The following TACR3 variants were observed in gnomAD, a reference collection of about 807,000 sequenced individuals.
The protein encoded by TACR3 is neuromedin-K receptor.
Under a neutral mutation model 35.0 loss-of-function variants are expected in TACR3, and 34 were observed. The ratio of observed to expected loss-of-function variants is 0.97; its 90% CI spans 0.74 to 1.30. The LOEUF (loss-of-function observed/expected upper bound fraction) is 1.30, where lower values mean the gene tolerates loss of function less well. Ranked by LOEUF, TACR3 falls within the 50% of genes most tolerant of loss-of-function variation. The probability of loss-of-function intolerance (pLI) is 0.00; values close to 1 mark genes in which losing one functional copy is unlikely to be tolerated. For missense variants in TACR3, 558 were observed against 591.7 expected (o/e 0.94, Z 0.59); for synonymous variants, 233 against 221.1 (o/e 1.05, Z -0.48).
chr4:103,662,259 G>A (rs1725849348), intron 1 of TACR3, among the ~76,000 whole-genome samples: 1 of 142,848 alleles, frequency 7.0e-6, no homozygotes, highest in African/African-American at 2.6e-5. Context: ...TTGCTCTGTC[G>A]CCCAGGCCGT....
At chr4:103,591,764 C>A (rs1164933431) in intron 3 of TACR3, 81 bp from the exon 4 acceptor site, 7 of 1,333,166 alleles carry the variant, frequency 5.3e-6, no homozygotes, top group African/African-American at 2.9e-5. Flanking sequence ...TGCTTTTCTG[C>A]CAATACAGTT....
At chr4:103,624,936 G>A (rs949806172) in intron 3 of TACR3, among the ~76,000 whole-genome samples, 2 of 152,066 alleles carry the variant, frequency 1.3e-5, no homozygotes, top group African/African-American at 4.8e-5. Flanking sequence ...TGGGTGAATG[G>A]TCTTTCTGGA....
At chr4:103,606,469 C>T (rs1056881633) in intron 3 of TACR3, among the ~76,000 whole-genome samples, 9 of 152,034 alleles carry the variant, frequency 5.9e-5, no homozygotes, top group Non-Finnish European at 1.0e-4. Context: ...ATGGACTGTT[C>T]TTCCATTTGT....
intron 1 of TACR3, among the ~76,000 whole-genome samples, chr4:103,703,448 C>T (rs1007606562): frequency 7.9e-5 from 12 of 152,120 alleles, no homozygotes; most frequent in Admixed American, 2.0e-4. Context: ...AAAGTCTCAA[C>T]ATTCAGAGAA....
intron 1 of TACR3, among the ~76,000 whole-genome samples, chr4:103,675,459 A>C (rs955114093): frequency 1.4e-4 from 21 of 152,196 alleles, no homozygotes; most frequent in African/African-American, 5.1e-4. Context: ...GACATGCAAG[A>C]ATGTGCAAAC....
intron 1 of TACR3, among the ~76,000 whole-genome samples, chr4:103,665,464 C>T (rs1725917414): frequency 1.3e-5 from 2 of 152,044 alleles, no homozygotes; most frequent in Non-Finnish European, 2.9e-5. Flanking sequence ...ATGTTATAGG[C>T]ATTCAATTTA....
chr4:103,665,334 CAAG>C (rs1360573376), intron 1 of TACR3, among the ~76,000 whole-genome samples: 2 of 143,146 alleles, frequency 1.4e-5, no homozygotes, highest in African/African-American at 2.6e-5. Context: ...TATTATCTGT[CAAG>C]AAACAAATCA....
Position 103,589,726 on chromosome 4 carries a change from T to C in TACR3, c.1354A>G (p.Ser452Gly). ...RNSKSASATS[S>G]FISSPYTSVD... Reference sequence around the variant, plus strand: ...GAGGTATAGGGTGAGCTTATGAAACTTGAAGTGGCGGAGGCAGATTTGGAA... The same window carrying C: ...GAGGTATAGGGTGAGCTTATGAAACCTGAAGTGGCGGAGGCAGATTTGGAA... Residue 452 changes from serine (S) to glycine (G), a missense_variant, in exon 5 of 5, where the codon AGT becomes GGT. Physicochemically the swap from Ser to Gly is moderately conservative, Grantham distance 56 (BLOSUM62 0). Coordinates refer to ENST00000304883, the MANE Select transcript of TACR3 (RefSeq NM_001059.3). 1 of 1,614,008 alleles carries C rather than the reference T, an allele frequency of 6.2e-7. No homozygotes were observed. Among genetic ancestry groups the C allele is most frequent in the Non-Finnish European group, 8.5e-7 (1 of 1,179,892 alleles).
intron 1 of TACR3, among the ~76,000 whole-genome samples, chr4:103,712,097 C>A (rs1722977866): frequency 6.6e-6 from 1 of 152,088 alleles, no homozygotes; most frequent in South Asian, 2.1e-4. Context: ...TCAATGCCAT[C>A]CCCATCAAGC....
intron 2 of TACR3, among the ~76,000 whole-genome samples, chr4:103,657,994 A>G (rs548854158): frequency 2.1e-4 from 32 of 152,208 alleles, no homozygotes; most frequent in Non-Finnish European, 2.1e-4. Flanking sequence ...GCCATCCCAC[A>G]TAGACATCCT....
At chr4:103,687,419 A>G (rs1443551148) in intron 1 of TACR3, among the ~76,000 whole-genome samples, 1 of 152,138 alleles carries the variant, frequency 6.6e-6, no homozygotes, top group Admixed American at 6.6e-5. Flanking sequence ...GGAGAAGGAA[A>G]TAAAGGGTAT....
At chr4:103,648,605 C>T (rs1406743482) in intron 3 of TACR3, among the ~76,000 whole-genome samples, 1 of 152,050 alleles carries the variant, frequency 6.6e-6, no homozygotes, top group Non-Finnish European at 1.5e-5. Context: ...CATGTTGTTG[C>T]AAGTGAAAGA....
chr4:103,702,213 A>C (rs1417912040), intron 1 of TACR3, among the ~76,000 whole-genome samples: 1 of 152,200 alleles, frequency 6.6e-6, no homozygotes, highest in Non-Finnish European at 1.5e-5. Flanking sequence ...AGAAAAAAAC[A>C]AACAACCCCA....
At chr4:103,631,212 G>A (rs922361385) in intron 3 of TACR3, among the ~76,000 whole-genome samples, 4 of 152,082 alleles carry the variant, frequency 2.6e-5, no homozygotes, top group African/African-American at 9.7e-5. Context: ...AGCACTTGGA[G>A]AAATACCTAA....
At chr4:103,681,876 A>G (rs1248473587) in intron 1 of TACR3, among the ~76,000 whole-genome samples, 3 of 152,162 alleles carry the variant, frequency 2.0e-5, no homozygotes, top group African/African-American at 7.2e-5. Flanking sequence ...CAAAATTTTA[A>G]AAGTGCAAAA....
intron 1 of TACR3, among the ~76,000 whole-genome samples, chr4:103,689,252 G>A (rs1722340590): frequency 7.5e-6 from 1 of 133,850 alleles, no homozygotes; most frequent in South Asian, 2.7e-4. Flanking sequence ...GACTGTTGTG[G>A]GGTCGGGGGA....
At chr4:103,633,029 TATTA>T (rs1354458767) in intron 3 of TACR3, among the ~76,000 whole-genome samples, 3 of 145,094 alleles carry the variant, frequency 2.1e-5, no homozygotes, top group African/African-American at 5.2e-5. Flanking sequence ...ATTATTATAT[TATTA>T]ATTATTTTCC....
chr4:103,700,709 A>G (rs1027164337), intron 1 of TACR3, among the ~76,000 whole-genome samples: 6 of 152,220 alleles, frequency 3.9e-5, no homozygotes, highest in Non-Finnish European at 8.8e-5. Context: ...ACCAAGATCA[A>G]GTGGGCTTCA....
intron 1 of TACR3, among the ~76,000 whole-genome samples, chr4:103,689,812 T>C (rs574973501): frequency 2.0e-5 from 3 of 152,224 alleles, no homozygotes; most frequent in South Asian, 2.1e-4. Context: ...CTAAATTTGA[T>C]GAAGCACATT....
Sources: gnomAD v4.1 joint callset for allele counts (sites outside exome capture counted in the v4.1 genomes callset) on GRCh38, gnomAD v4.1.1 for gene constraint, MANE v1.5 for transcripts, NCBI Gene and HGNC (gene_info 2026-07-23, HGNC 2026-07-21) for gene names.